CAMSAP2: variants seen among roughly 807,000 people sequenced by gnomAD.
CAMSAP2 encodes the protein calmodulin regulated spectrin associated protein family member 2, also known as calmodulin-regulated spectrin-associated protein 2.
In CAMSAP2, 26 loss-of-function variants were observed where a neutral mutation model predicts 146.1. That is an observed-to-expected ratio of 0.18 (90% CI 0.13 to 0.25). CAMSAP2 has a LOEUF of 0.25. Ranked by LOEUF, CAMSAP2 falls within the 10% of genes least tolerant of loss-of-function variation. The pLI is 1.00. For missense variants in CAMSAP2, 1,381 were observed against 1,759.3 expected, an observed-to-expected ratio of 0.78 and a Z score of 3.85; for synonymous variants, 499 against 596.6, an observed-to-expected ratio of 0.84 and a Z score of 2.38.
At chr1:200,807,619 C>A in intron 3 of CAMSAP2, 82 bp downstream of exon 3, 1 of 995,836 alleles carries the variant, frequency 1.0e-6, no homozygotes, top group Non-Finnish European at 1.3e-6. Context: ...CACTTCATTA[C>A]TCTTTTTGTT....
At chr1:200,761,119 G>C in intron 2 of CAMSAP2, 21 bp downstream of exon 2, 1 of 1,609,014 alleles carries the variant, frequency 6.2e-7, no homozygotes, top group Non-Finnish European at 8.5e-7. Context: ...ATATACCCAA[G>C]ATTATTTTAA....
chr1:200,767,474 C>A (rs1424486940), intron 2 of CAMSAP2, among the ~76,000 whole-genome samples: 1 of 120,760 alleles, frequency 8.3e-6, no homozygotes, highest in Non-Finnish European at 1.7e-5. Context: ...TTGTGTTGTC[C>A]CTCTTTTTTT....
intron 2 of CAMSAP2, among the ~76,000 whole-genome samples, chr1:200,783,024 C>T (rs930586726): frequency 1.9e-4 from 29 of 151,660 alleles, no homozygotes; most frequent in African/African-American, 6.5e-4. Flanking sequence ...CCTCGGCCTC[C>T]CAAAGTACTG....
At chr1:200,753,724 C>T (rs965392113) in intron 1 of CAMSAP2, among the ~76,000 whole-genome samples, 2 of 152,178 alleles carry the variant, frequency 1.3e-5, no homozygotes, top group Non-Finnish European at 2.9e-5. Flanking sequence ...TTCCCTCTTT[C>T]GTACTTCCCT....
chr1:200,763,270 A>G (rs748149991), intron 2 of CAMSAP2, among the ~76,000 whole-genome samples: 7 of 152,094 alleles, frequency 4.6e-5, no homozygotes, highest in Non-Finnish European at 8.8e-5. Context: ...TGGGTGTGGT[A>G]GCTCACGCCT....
At chr1:200,778,974 A>G (rs1464895733) in intron 2 of CAMSAP2, among the ~76,000 whole-genome samples, 2 of 152,208 alleles carry the variant, frequency 1.3e-5, no homozygotes, top group Non-Finnish European at 2.9e-5. Context: ...TCTTTGCCTC[A>G]GAGACCTGAA....
intron 2 of CAMSAP2, among the ~76,000 whole-genome samples, chr1:200,798,776 C>A (rs1665956197): frequency 6.9e-6 from 1 of 145,110 alleles, no homozygotes. Context: ...CCAGTTTTTG[C>A]CCATTCAGTA....
chr1:200,752,270 C>G (rs963724959), intron 1 of CAMSAP2, among the ~76,000 whole-genome samples: 1 of 152,026 alleles, frequency 6.6e-6, no homozygotes, highest in Non-Finnish European at 1.5e-5. Flanking sequence ...ACAGTTTCTT[C>G]AGGTAAATAT....
chr1:200,786,074 C>G (rs1334123667), intron 2 of CAMSAP2, among the ~76,000 whole-genome samples: 1 of 152,178 alleles, frequency 6.6e-6, no homozygotes, highest in African/African-American at 2.4e-5. Flanking sequence ...GGTTATAATA[C>G]TCCCTTATTA....
rs76269818 is a variant in CAMSAP2, at chr1:200,841,884, A to G, written c.928-110A>G. ...TGTTTAATAGCCTACTATAGTGAAT[A>G]TACTCCAGTGATGAATGAATGAGAT... On this transcript the variant is annotated intron_variant, in intron 6 of 16. Transcript: ENST00000358823. The G allele has an allele frequency of 5.7e-4, 434 of 756,048 alleles. 1 individual carries two copies. The African/African-American group carries it at 6.4e-3, about 11-fold the overall frequency. 46.8% of individuals were successfully genotyped at this position (756,048 alleles called of 1,614,324 possible).
chr1:200,828,452 A>C (rs1195854346), intron 4 of CAMSAP2: 8 of 871,846 alleles, frequency 9.2e-6, no homozygotes, highest in Non-Finnish European at 1.4e-5. Context: ...ATGTTATGAG[A>C]ACTATAAACT....
chr1:200,846,969 C>A (rs1667474110), intron 8 of CAMSAP2, among the ~76,000 whole-genome samples: 1 of 152,044 alleles, frequency 6.6e-6, no homozygotes, highest in South Asian at 2.1e-4. Context: ...TAATTCATAT[C>A]TCACAAAGAC....
chr1:200,741,302 A>C (rs375170645), intron 1 of CAMSAP2, among the ~76,000 whole-genome samples: 9 of 152,232 alleles, frequency 5.9e-5, no homozygotes, highest in East Asian at 3.8e-4. Context: ...AAATTATTTA[A>C]ATTTTAAACA....
intron 2 of CAMSAP2, among the ~76,000 whole-genome samples, chr1:200,799,870 T>G (rs1377228565): frequency 6.6e-6 from 1 of 152,216 alleles, no homozygotes; most frequent in African/African-American, 2.4e-5. Context: ...CTAGTACATG[T>G]GTCTTTGTTC....
chr1:200,742,268 AT>A (rs1664203631), intron 1 of CAMSAP2, among the ~76,000 whole-genome samples: 3 of 152,260 alleles, frequency 2.0e-5, no homozygotes, highest in African/African-American at 7.2e-5. Flanking sequence ...TTGAAGTCTA[AT>A]TTTTTCTTTA....
At chr1:200,833,955 G>A (rs984934009) in intron 6 of CAMSAP2, among the ~76,000 whole-genome samples, 4 of 152,192 alleles carry the variant, frequency 2.6e-5, no homozygotes, top group African/African-American at 9.7e-5. Flanking sequence ...TCCTTTGACT[G>A]TAGGCTAATG....
At chr1:200,802,511 A>T (rs764545781) in intron 2 of CAMSAP2, among the ~76,000 whole-genome samples, 2 of 152,244 alleles carry the variant, frequency 1.3e-5, no homozygotes, top group Admixed American at 1.3e-4. Flanking sequence ...GAAAAACTAT[A>T]GAGTTTAATA....
At chr1:200,790,635 C>T (rs954284839) in intron 2 of CAMSAP2, among the ~76,000 whole-genome samples, 5 of 152,122 alleles carry the variant, frequency 3.3e-5, no homozygotes, top group African/African-American at 1.2e-4. Context: ...GGTGGTTTGC[C>T]TTGTGTTCTC....
intron 1 of CAMSAP2, among the ~76,000 whole-genome samples, chr1:200,748,391 C>G (rs1293055902): frequency 6.6e-6 from 1 of 152,170 alleles, no homozygotes; most frequent in Non-Finnish European, 1.5e-5. Context: ...TCCATATCAT[C>G]AAATCAATAT....
Sources: allele counts gnomAD v4.1 joint callset (sites outside exome capture counted in the v4.1 genomes callset), GRCh38; gene constraint gnomAD v4.1.1; transcripts MANE v1.5; gene names NCBI Gene and HGNC (gene_info 2026-07-23, HGNC 2026-07-21).